Variants in DPY19L2 observed in about 807,000 individuals in gnomAD.
DPY19L2 encodes the protein dpy-19 like 2.
Under a neutral mutation model 97.9 loss-of-function variants are expected in DPY19L2, and 34 were observed. The ratio of observed to expected loss-of-function variants is 0.35; its 90% CI spans 0.26 to 0.46. DPY19L2 has a LOEUF of 0.46. DPY19L2 is among the 20% of genes least tolerant of loss of function. The probability of loss-of-function intolerance (pLI) is 1.00; values close to 1 mark genes in which losing one functional copy is unlikely to be tolerated. For synonymous variants in DPY19L2, 230 were observed against 307.9 expected (o/e 0.75, Z 2.65); for missense variants, 623 against 911.4 (o/e 0.68, Z 4.07).
chr12:63,632,912 A>AT (rs1890966974), intron 6 of DPY19L2, among the ~76,000 whole-genome samples: 1 of 152,128 alleles, frequency 6.6e-6, no homozygotes, highest in South Asian at 2.1e-4. Context: ...ATAATGCTGC[A>AT]TATCTACAAC....
At chr12:63,664,854 A>C (rs987330933) in intron 2 of DPY19L2, among the ~76,000 whole-genome samples, 5 of 152,134 alleles carry the variant, frequency 3.3e-5, no homozygotes, top group African/African-American at 1.2e-4. Flanking sequence ...AAACTGCAGG[A>C]ATATTCTCTA....
At chr12:63,618,323 T>A (rs1167003520) in intron 9 of DPY19L2, 95 bp from the exon 10 acceptor site, 7 of 436,698 alleles carry the variant, frequency 1.6e-5, no homozygotes, top group Non-Finnish European at 2.4e-5. Context: ...AGGGCTACAG[T>A]TCTAATAATG....
At chr12:63,568,097 T>G (rs1878106379) in intron 21 of DPY19L2, among the ~76,000 whole-genome samples, 1 of 152,036 alleles carries the variant, frequency 6.6e-6, no homozygotes, top group African/African-American at 2.4e-5. Flanking sequence ...TTTCATTACA[T>G]CTAATACTAA....
chr12:63,654,216 A>T (rs1592743788), intron 4 of DPY19L2, among the ~76,000 whole-genome samples: 1 of 152,140 alleles, frequency 6.6e-6, no homozygotes, highest in Non-Finnish European at 1.5e-5. Context: ...GTGTAAAACG[A>T]GTTTAAAATA....
chr12:63,608,757 A>G, intron 11 of DPY19L2, 82 bp from the exon 12 acceptor site: 1 of 714,768 alleles, frequency 1.4e-6, no homozygotes, highest in Non-Finnish European at 2.3e-6. Context: ...TTCAAAAATT[A>G]TATAGCCACC....
chr12:63,651,736 C>T (rs561065474), intron 4 of DPY19L2: 14 of 395,272 alleles, frequency 3.5e-5, no homozygotes, highest in South Asian at 1.4e-4. Context: ...CTCTCCAAGA[C>T]GGAGTTCCCA....
chr12:63,570,067 C>T (rs576168527), intron 20 of DPY19L2, among the ~76,000 whole-genome samples: 1 of 152,152 alleles, frequency 6.6e-6, no homozygotes, highest in Non-Finnish European at 1.5e-5. Flanking sequence ...GGCTCCTAGA[C>T]AGCAGACCTA....
chr12:63,661,444 G>A lies in DPY19L2; in HGVS notation c.488C>T (p.Ala163Val), dbSNP rs375942892. Residue 163 changes from alanine to valine, a missense_variant, in exon 4 of 22, where the codon GCA (alanine) becomes GTA (valine). Physicochemically the swap from Ala to Val is moderately conservative, Grantham distance 64. Coordinates refer to ENST00000324472, the MANE Select transcript of DPY19L2 (RefSeq NM_173812.5). ...YYSYFKTIIE[A>V]PSFLEGLWMI... ...CCACAGTCCTTCCAAAAACGAAGGT[G>A]CTTCAATAATGGTCTTGAAGTATGA... The A allele has an allele frequency of 6.3e-7, 1 of 1,599,610 alleles. No individual in the cohort carries two copies. Among genetic ancestry groups the A allele is most frequent in the Non-Finnish European group, 8.5e-7 (1 of 1,175,160 alleles).
chr12:63,653,917 G>A (rs143947209), intron 4 of DPY19L2, among the ~76,000 whole-genome samples: 5,118 of 151,866 alleles, frequency 0.034, 146 homozygotes, highest in African/African-American at 0.072. Context: ...AGGAACTATC[G>A]ACCCAGAATC....
chr12:63,594,536 GTGTGTA>G (rs1883825837), intron 15 of DPY19L2, among the ~76,000 whole-genome samples: 2 of 148,830 alleles, frequency 1.3e-5, no homozygotes, highest in Non-Finnish European at 3.0e-5. Flanking sequence ...GTGTGTGTAT[GTGTGTA>G]TGTGTGTATG....
Position 63,569,247 on chromosome 12 carries a change from C to T in DPY19L2, c.2103G>A (p.Glu701=), listed in dbSNP as rs374985982. The T allele has an allele frequency of 1.3e-6, 2 of 1,597,034 alleles. No individual in the cohort carries two copies. Among genetic ancestry groups the T allele is most frequent in the Non-Finnish European group, 1.7e-6 (2 of 1,174,288 alleles). The change falls in exon 21 of 22, where the codon GAG becomes GAA. Residue 701 remains glutamate (E), a synonymous_variant. Coordinates refer to ENST00000324472, the MANE Select transcript of DPY19L2 (RefSeq NM_173812.5). Reference sequence around the variant, plus strand: ...ACTTAGTTCTCACAACACACCATGCCTCTTCTAAAACATAATAATTCACAT... The same window carrying T: ...ACTTAGTTCTCACAACACACCATGCTTCTTCTAAAACATAATAATTCACAT... ...ELHVNYYVLE[E]AWCVVRTKPG...
Position 63,628,603 on chromosome 12 carries a change from CG to C in DPY19L2, c.804-2078del, listed in dbSNP as rs1256333009. 2.6e-5 allele frequency among the ~76,000 whole-genome samples: 4 copies of C among 152,090 alleles called. No homozygotes were observed. In the East Asian group the frequency reaches 5.8e-4, roughly 22 times the overall value. Reference sequence around the variant, plus strand: ...CAGGGTGGAGCCCACCACAGCTCAACGAGGCCTCCCTGCCTCTGTAGACTCC... The same window carrying C: ...CAGGGTGGAGCCCACCACAGCTCAACAGGCCTCCCTGCCTCTGTAGACTCC... On this transcript the variant is annotated intron_variant, in intron 6 of 21. Coordinates refer to ENST00000324472, the MANE Select transcript of DPY19L2 (RefSeq NM_173812.5).
At chr12:63,666,200 A>T (rs1896319167) in intron 1 of DPY19L2, among the ~76,000 whole-genome samples, 1 of 152,088 alleles carries the variant, frequency 6.6e-6, no homozygotes, top group Non-Finnish European at 1.5e-5. Flanking sequence ...TGAAATTTTT[A>T]AAAGAAGTAA....
At chr12:63,601,941 A>G (rs1885259419) in intron 12 of DPY19L2, among the ~76,000 whole-genome samples, 1 of 152,194 alleles carries the variant, frequency 6.6e-6, no homozygotes, top group African/African-American at 2.4e-5. Flanking sequence ...AGAGGTTTGC[A>G]CTTGGACTAG....
intron 15 of DPY19L2, among the ~76,000 whole-genome samples, chr12:63,594,811 C>T (rs1387738487): frequency 6.6e-6 from 1 of 152,052 alleles, no homozygotes; most frequent in Admixed American, 6.5e-5. Context: ...TCTCACATTG[C>T]TGACTCTCCG....
rs887088542 is a variant in DPY19L2 at position 63,586,116 on chromosome 12, C to T, written c.1581-2280G>A. On this transcript the variant is annotated intron_variant, in intron 16 of 21. Coordinates refer to ENST00000324472, the MANE Select transcript of DPY19L2 (RefSeq NM_173812.5). ...GAACAACAACACACACACATCACCC[C>T]TCCAAACCTTATGAATTTCCAGAGA... is the stretch of plus-strand genomic sequence containing the variant. 2.2e-4 allele frequency among the ~76,000 whole-genome samples: 34 copies of T among 152,266 alleles called. 1 individual carries two copies. Among genetic ancestry groups the T allele is most frequent in the African/African-American group, 7.5e-4 (31 of 41,558 alleles).
At position 63,574,798 on chromosome 12, in the gene DPY19L2, C is replaced by T. The variant is rs182609325; in HGVS notation, c.1901-3941G>A. On this transcript the variant is annotated intron_variant, in intron 19 of 21. Coordinates refer to ENST00000324472, the MANE Select transcript of DPY19L2 (RefSeq NM_173812.5). ...TATATACACCCAATACTGGAGCACC[C>T]GGATATATAAAGCAAATATTATCAG... is the stretch of plus-strand genomic sequence containing the variant. Among the ~76,000 whole-genome samples the T allele has an allele frequency of 2.3e-3, 345 of 151,930 alleles. 1 individual carries two copies. The highest frequency in any genetic ancestry group is 5.2e-3 in the South Asian group (25 of 4,802).
chr12:63,595,032 G>A (rs917202399), intron 15 of DPY19L2, among the ~76,000 whole-genome samples: 3 of 152,130 alleles, frequency 2.0e-5, no homozygotes, highest in Non-Finnish European at 4.4e-5. Context: ...TGGTCTGCAG[G>A]GAACTGGATC....
intron 19 of DPY19L2, among the ~76,000 whole-genome samples, chr12:63,575,112 A>G (rs1204494659): frequency 2.1e-5 from 3 of 145,816 alleles, no homozygotes; most frequent in Non-Finnish European, 4.5e-5. Context: ...AGACAATATA[A>G]TGTATCTTCT....
Sources: allele counts gnomAD v4.1 joint callset (sites outside exome capture counted in the v4.1 genomes callset), GRCh38; gene constraint gnomAD v4.1.1; transcripts MANE v1.5; gene names NCBI Gene and HGNC (gene_info 2026-07-23, HGNC 2026-07-21).